Variants in SPMAP2L observed in about 807,000 individuals in gnomAD.
SPMAP2L encodes sperm microtubule associated protein 2-like.
the SPMAP2L span, among the ~76,000 whole-genome samples, chr4:56,582,815 A>G: frequency 2.0e-5 from 3 of 152,238 alleles, no homozygotes; most frequent in Non-Finnish European, 4.4e-5. Context: ...AACAATTCAA[A>G]TGTTCATCAA....
At chr4:56,543,889 AGAGAGAGTGTGTGTGTGT>A in the SPMAP2L span, among the ~76,000 whole-genome samples, 2 of 130,116 alleles carry the variant, frequency 1.5e-5, no homozygotes, top group African/African-American at 5.8e-5. Flanking sequence ...AGAGAGAGAG[AGAGAGAGTGTGTGTGTGT>A]GTGTGTGTGT....
the SPMAP2L span, chr4:56,552,476 A>G: frequency 2.5e-6 from 2 of 786,076 alleles, no homozygotes; most frequent in Non-Finnish European, 4.3e-6. Context: ...CCCCCCTCCT[A>G]TGAGCAGGAG....
At chr4:56,625,362 G>A in the SPMAP2L span, among the ~76,000 whole-genome samples, 1 of 152,166 alleles carries the variant, frequency 6.6e-6, no homozygotes, top group Admixed American at 6.5e-5. Flanking sequence ...GGTTAATGCT[G>A]AAATGAGTTA....
At chr4:56,543,307 C>T in the SPMAP2L span, among the ~76,000 whole-genome samples, 1,104 of 152,152 alleles carry the variant, frequency 7.3e-3, 18 homozygotes, top group African/African-American at 0.025. Flanking sequence ...ATGGTCTCGA[C>T]CTCCTGCCCT....
At chr4:56,593,895 A>G in the SPMAP2L span, 1 of 1,610,026 alleles carries the variant, frequency 6.2e-7, no homozygotes, top group Non-Finnish European at 8.5e-7. Context: ...AGAGTACATA[A>G]TGCCACTTTG....
At chr4:56,547,180 G>A in the SPMAP2L span, among the ~76,000 whole-genome samples, 2 of 151,510 alleles carry the variant, frequency 1.3e-5, no homozygotes, top group Non-Finnish European at 2.9e-5. Flanking sequence ...TATGCAAGAT[G>A]CTATACATAT....
At chr4:56,586,306 C>T in the SPMAP2L span, among the ~76,000 whole-genome samples, 10 of 152,284 alleles carry the variant, frequency 6.6e-5, no homozygotes, top group African/African-American at 2.2e-4. Context: ...TGAGGGCCCA[C>T]TCCCTGGCTT....
chr4:56,600,699 T>C, the SPMAP2L span, among the ~76,000 whole-genome samples: 1 of 152,156 alleles, frequency 6.6e-6, no homozygotes, highest in Non-Finnish European at 1.5e-5. Flanking sequence ...TAGGTAAAGC[T>C]TAGAACACTG....
At chr4:56,548,232 T>G in the SPMAP2L span, among the ~76,000 whole-genome samples, 1 of 108,256 alleles carries the variant, frequency 9.2e-6, no homozygotes, top group South Asian at 2.9e-4. Context: ...GAGCGTTCTC[T>G]TTCTGTTTTT....
chr4:56,615,634 G>A, the SPMAP2L span, among the ~76,000 whole-genome samples: 1 of 152,146 alleles, frequency 6.6e-6, no homozygotes, highest in Non-Finnish European at 1.5e-5. Flanking sequence ...CGTAATCCCA[G>A]CTACTGGAGA....
chr4:56,603,092 C>T, the SPMAP2L span: 34 of 566,492 alleles, frequency 6.0e-5, no homozygotes, highest in African/African-American at 6.0e-4. Context: ...TAGTGGAGGT[C>T]ATGAAAATAA....
chr4:56,603,339 A>G, the SPMAP2L span: 47 of 1,513,180 alleles, frequency 3.1e-5, no homozygotes, highest in Non-Finnish European at 4.0e-5. Context: ...GAAAGCCACA[A>G]CAGTCAGACC....
the SPMAP2L span, among the ~76,000 whole-genome samples, chr4:56,542,323 A>C: frequency 6.6e-6 from 1 of 152,200 alleles, no homozygotes; most frequent in Non-Finnish European, 1.5e-5. Context: ...GCTCTTTGTT[A>C]AAATTCTATT....
chr4:56,586,974 A>T, the SPMAP2L span, among the ~76,000 whole-genome samples: 1 of 152,188 alleles, frequency 6.6e-6, no homozygotes, highest in Non-Finnish European at 1.5e-5. Context: ...TTTTATATGC[A>T]GAAAAGACTG....
the SPMAP2L span, among the ~76,000 whole-genome samples, chr4:56,568,161 T>C: frequency 6.6e-6 from 1 of 152,228 alleles, no homozygotes; most frequent in Non-Finnish European, 1.5e-5. Context: ...ATATTTTGTG[T>C]CTACTTAACA....
the SPMAP2L span, among the ~76,000 whole-genome samples, chr4:56,571,915 C>T: frequency 2.0e-5 from 3 of 152,238 alleles, no homozygotes; most frequent in East Asian, 5.8e-4. Context: ...CTATCTTCCA[C>T]CTCCACATCT....
chr4:56,561,889 A>G, the SPMAP2L span, among the ~76,000 whole-genome samples: 1 of 151,744 alleles, frequency 6.6e-6, no homozygotes, highest in South Asian at 2.1e-4. Context: ...ATGCCCAACT[A>G]ATTTTTGTAT....
chr4:56,612,309 T>C, the SPMAP2L span, among the ~76,000 whole-genome samples: 1 of 152,322 alleles, frequency 6.6e-6, no homozygotes, highest in African/African-American at 2.4e-5. Flanking sequence ...GATGGACATG[T>C]TAATATATAC....
chr4:56,615,678 G>T, the SPMAP2L span, among the ~76,000 whole-genome samples: 12 of 152,120 alleles, frequency 7.9e-5, no homozygotes, highest in African/African-American at 2.9e-4. Flanking sequence ...GACCCAGAAG[G>T]CAGAGGTTGC....
Sources: allele counts gnomAD v4.1 joint callset (sites outside exome capture counted in the v4.1 genomes callset), GRCh38; gene constraint gnomAD v4.1.1; transcripts MANE v1.5; gene names NCBI Gene and HGNC (gene_info 2026-07-23, HGNC 2026-07-21).